The following LUZP2 variants were observed in gnomAD, a reference collection of about 807,000 sequenced individuals.
LUZP2 encodes the protein leucine zipper protein 2.
A neutral mutation model predicts 51.6 loss-of-function variants in LUZP2; 52 were observed. That is an observed-to-expected ratio of 1.01 (90% CI 0.81 to 1.27). The LOEUF (loss-of-function observed/expected upper bound fraction) is 1.27. LUZP2 is among the 50% of genes most tolerant of loss of function. LUZP2 has a pLI of 0.00. For missense variants in LUZP2, 436 were observed against 395.4 expected, an observed-to-expected ratio of 1.10 and a Z score of -0.87; for synonymous variants, 154 against 137.3, an observed-to-expected ratio of 1.12 and a Z score of -0.85.
intron 1 of LUZP2, among the ~76,000 whole-genome samples, chr11:24,534,718 TG>T (rs1379747364): frequency 6.6e-6 from 1 of 151,504 alleles, no homozygotes; most frequent in African/African-American, 2.4e-5. Flanking sequence ...ACAATATTTC[TG>T]AAGAGGAAGA....
At chr11:24,608,315 A>G (rs1008639965) in intron 1 of LUZP2, among the ~76,000 whole-genome samples, 1 of 152,228 alleles carries the variant, frequency 6.6e-6, no homozygotes, top group East Asian at 1.9e-4. Flanking sequence ...AGGCAGACAC[A>G]GAAGGTCATC....
chr11:24,991,394 G>GTATATATATATATATA (rs1327713711), intron 9 of LUZP2, among the ~76,000 whole-genome samples: 13 of 109,356 alleles, frequency 1.2e-4, no homozygotes, highest in Non-Finnish European at 1.8e-4. Flanking sequence ...GTGTGTGTGT[G>GTATATATATATATATA]TGTATATATA....
intron 1 of LUZP2, among the ~76,000 whole-genome samples, chr11:24,596,050 T>C (rs976532570): frequency 2.0e-4 from 30 of 152,228 alleles, no homozygotes; most frequent in Non-Finnish European, 5.9e-5. Context: ...TTTTATCCAT[T>C]TCATGGAGAA....
At chr11:24,696,697 A>T (rs1857258251) in intron 1 of LUZP2, among the ~76,000 whole-genome samples, 1 of 152,138 alleles carries the variant, frequency 6.6e-6, no homozygotes. Flanking sequence ...ATGAAATGTG[A>T]CAATGAAAAA....
chr11:24,765,179 T>C (rs1197734686), intron 5 of LUZP2, among the ~76,000 whole-genome samples: 1 of 152,178 alleles, frequency 6.6e-6, no homozygotes, highest in African/African-American at 2.4e-5. Flanking sequence ...TCAGTACGCA[T>C]GTAGAGATTA....
chr11:24,525,439 C>T (rs1392071152), intron 1 of LUZP2, among the ~76,000 whole-genome samples: 1 of 151,276 alleles, frequency 6.6e-6, no homozygotes, highest in Non-Finnish European at 1.5e-5. Context: ...AGCTAACTTC[C>T]AGGGAGAGGA....
intron 5 of LUZP2, among the ~76,000 whole-genome samples, chr11:24,874,923 A>G (rs978673356): frequency 6.6e-6 from 1 of 152,128 alleles, no homozygotes; most frequent in Non-Finnish European, 1.5e-5. Context: ...CTCTATTCTA[A>G]AAATATATTT....
chr11:25,036,763 G>A lies in LUZP2; in HGVS notation c.766-13275G>A, dbSNP rs142509904. 7.0e-4 allele frequency among the ~76,000 whole-genome samples: 107 copies of A among 152,006 alleles called. 1 individual carries two copies. The East Asian group carries it at 0.015, about 21-fold the overall frequency. On this transcript the variant is annotated intron_variant, in intron 9 of 11. Coordinates refer to ENST00000336930, the MANE Select transcript of LUZP2 (RefSeq NM_001009909.4). The stretch of plus-strand genomic sequence containing the variant: ...GGAGTACATTGTTTAATTTTCATGC[G>A]TTGAGAGAGATATTCTTTGTATTGA...
chr11:24,551,851 A>C (rs114751083), intron 1 of LUZP2, among the ~76,000 whole-genome samples: 3,173 of 152,072 alleles, frequency 0.021, 98 homozygotes, highest in South Asian at 0.06. Flanking sequence ...AAAAGTCTTG[A>C]ATAAATACAT....
At chr11:24,921,460 C>T (rs1010152183) in intron 7 of LUZP2, among the ~76,000 whole-genome samples, 1 of 151,986 alleles carries the variant, frequency 6.6e-6, no homozygotes, top group Admixed American at 6.6e-5. Flanking sequence ...GCACAGGTGG[C>T]GACAAGGAGA....
intron 1 of LUZP2, among the ~76,000 whole-genome samples, chr11:24,647,090 T>C (rs1412553347): frequency 1.3e-5 from 2 of 151,908 alleles, no homozygotes; most frequent in African/African-American, 2.4e-5. Context: ...CTTATTTTGT[T>C]CCACTCTTTC....
intron 1 of LUZP2, among the ~76,000 whole-genome samples, chr11:24,724,181 A>T (rs1858384816): frequency 6.6e-6 from 1 of 152,190 alleles, no homozygotes; most frequent in Non-Finnish European, 1.5e-5. Flanking sequence ...GTATCTTAAT[A>T]CAGTTTATAT....
intron 5 of LUZP2, among the ~76,000 whole-genome samples, chr11:24,764,704 C>G (rs563716680): frequency 6.6e-6 from 1 of 151,638 alleles, no homozygotes; most frequent in African/African-American, 2.4e-5. Context: ...AGAACAACAA[C>G]AAAAACCTAC....
In LUZP2 at chr11:24,939,491, A is replaced by T. The variant is rs1030525200; in HGVS notation, c.522+24953A>T. 4.6e-5 allele frequency among the ~76,000 whole-genome samples: 7 copies of T among 152,204 alleles called. 1 individual carries two copies. The East Asian group carries it at 1.4e-3, about 29-fold the overall frequency. On this transcript the variant is annotated intron_variant, in intron 7 of 11. Transcript: ENST00000336930. ...CTAGCTTTATGGAAGACTGACTTGT[A>T]TTAGACCTTGAAGGCATTGCACCAA...
chr11:25,014,310 C>G (rs533083925), intron 9 of LUZP2, among the ~76,000 whole-genome samples: 1 of 152,274 alleles, frequency 6.6e-6, no homozygotes, highest in African/African-American at 2.4e-5. Flanking sequence ...TTCTAGATCC[C>G]TGAGGAATCA....
chr11:24,948,347 ATAT>A (rs1854957386), intron 7 of LUZP2, among the ~76,000 whole-genome samples: 1 of 150,662 alleles, frequency 6.6e-6, no homozygotes, highest in African/African-American at 2.4e-5. Flanking sequence ...AATTACTTAA[ATAT>A]TATTTTCTTT....
chr11:24,860,117 G>A (rs1590652294), intron 5 of LUZP2, among the ~76,000 whole-genome samples: 2 of 152,296 alleles, frequency 1.3e-5, no homozygotes, highest in South Asian at 2.1e-4. Flanking sequence ...GAGCCAGGGA[G>A]GCATAAAGGC....
At chr11:24,813,414 G>A (rs1850077827) in intron 5 of LUZP2, among the ~76,000 whole-genome samples, 1 of 152,154 alleles carries the variant, frequency 6.6e-6, no homozygotes, top group South Asian at 2.1e-4. Flanking sequence ...TACTTCTGCG[G>A]AGGCCTCAAG....
chr11:24,978,342 A>G (rs1161690166), intron 8 of LUZP2, among the ~76,000 whole-genome samples: 2 of 151,824 alleles, frequency 1.3e-5, no homozygotes, highest in African/African-American at 4.8e-5. Flanking sequence ...AGAGGCATAT[A>G]TAATTCTAAA....
Sources: gnomAD v4.1 joint callset for allele counts (sites outside exome capture counted in the v4.1 genomes callset) on GRCh38, gnomAD v4.1.1 for gene constraint, MANE v1.5 for transcripts, NCBI Gene and HGNC (gene_info 2026-07-23, HGNC 2026-07-21) for gene names.